MED12L: variants seen among roughly 807,000 people sequenced by gnomAD.
The protein encoded by MED12L is mediator of RNA polymerase II transcription subunit 12-like protein.
MED12L carries 60 observed loss-of-function variants against 281.3 expected under a neutral mutation model. That is an observed-to-expected ratio of 0.21 (90% CI 0.17 to 0.26). MED12L has a LOEUF of 0.26. Ranked by LOEUF, MED12L falls within the 10% of genes least tolerant of loss-of-function variation. The probability of loss-of-function intolerance (pLI) is 1.00; values close to 1 mark genes in which losing one functional copy is unlikely to be tolerated. For synonymous variants in MED12L, 974 were observed against 987.2 expected, an observed-to-expected ratio of 0.99 and a Z score of 0.25; for missense variants, 2,146 against 2,680.9, an observed-to-expected ratio of 0.80 and a Z score of 4.41.
intron 16 of MED12L, among the ~76,000 whole-genome samples, chr3:151,344,195 T>C (rs1347133671): frequency 6.6e-6 from 1 of 152,114 alleles, no homozygotes; most frequent in Non-Finnish European, 1.5e-5. Context: ...TCAGTCATAC[T>C]GTGGACTATA....
Position 151,247,962 on chromosome 3 carries a change from CTTTTTTTTTTTT to C in MED12L, c.2250+54308_2250+54319del, listed in dbSNP as rs61102632. ...GTTTACTTTCTTTCTTCTTCTTCTT[CTTTTTTTTTTTT>C]TTTTTTTTTTTGCCTGAGAAATAAT... On this transcript the variant is annotated intron_variant, in intron 16 of 44. Coordinates refer to ENST00000687756, the MANE Select transcript of MED12L (RefSeq NM_001393769.1). Among the ~76,000 whole-genome samples the C allele has an allele frequency of 2.8e-3, 214 of 75,906 alleles. 3 individuals carry two copies. Among genetic ancestry groups the C allele is most frequent in the Admixed American group, 0.021 (137 of 6,622 alleles). The allele number at this position is 75,906 out of a possible 152,430, so 49.8% of individuals were successfully genotyped here. A position where few individuals can be genotyped will look rare whatever the true frequency, so the allele number is the denominator to read the frequency against.
At chr3:151,264,602 G>A (rs1739486916) in intron 16 of MED12L, among the ~76,000 whole-genome samples, 1 of 152,160 alleles carries the variant, frequency 6.6e-6, no homozygotes, top group East Asian at 1.9e-4. Flanking sequence ...CCCTCAAATT[G>A]CAGTTTAATT....
chr3:151,401,938 G>A (rs11708767), intron 39 of MED12L, among the ~76,000 whole-genome samples: 56,526 of 151,972 alleles, frequency 0.37, 11,024 homozygotes, highest in Middle Eastern at 0.48. Context: ...TGATTAGGCA[G>A]ATATAATGAG....
At chr3:151,387,431 T>C (rs1427839502) in intron 36 of MED12L, among the ~76,000 whole-genome samples, 1 of 152,238 alleles carries the variant, frequency 6.6e-6, no homozygotes, top group Non-Finnish European at 1.5e-5. Flanking sequence ...TTCAAAATTA[T>C]AAATAGATTA....
At chr3:151,261,812 C>T (rs1162134085) in intron 16 of MED12L, among the ~76,000 whole-genome samples, 4 of 152,128 alleles carry the variant, frequency 2.6e-5, no homozygotes, top group Non-Finnish European at 4.4e-5. Flanking sequence ...ATAACCTCCA[C>T]CTCCTGGGTT....
At chr3:151,095,463 G>A (rs867165345) in intron 2 of MED12L, among the ~76,000 whole-genome samples, 1 of 152,010 alleles carries the variant, frequency 6.6e-6, no homozygotes. Flanking sequence ...TCAGCCCCCC[G>A]AGTAACTGGG....
intron 2 of MED12L, among the ~76,000 whole-genome samples, chr3:151,107,219 C>T (rs1487440867): frequency 6.6e-6 from 1 of 152,022 alleles, no homozygotes; most frequent in African/African-American, 2.4e-5. Flanking sequence ...CTACACCCTA[C>T]CTATTCATGA....
At chr3:151,266,512 G>A (rs1739859898) in intron 16 of MED12L, among the ~76,000 whole-genome samples, 1 of 152,214 alleles carries the variant, frequency 6.6e-6, no homozygotes, top group Admixed American at 6.5e-5. Flanking sequence ...TAATAGTGCA[G>A]TCCTTTTTAA....
chr3:151,333,682 A>G (rs1436310930), intron 16 of MED12L, among the ~76,000 whole-genome samples: 2 of 152,240 alleles, frequency 1.3e-5, no homozygotes, highest in East Asian at 3.8e-4. Flanking sequence ...TAGAAGAAGG[A>G]TTATTGGTTC....
intron 11 of MED12L, among the ~76,000 whole-genome samples, chr3:151,171,933 G>A (rs1721481212): frequency 2.0e-5 from 3 of 152,080 alleles, no homozygotes; most frequent in Admixed American, 2.0e-4. Context: ...CCATGCATGG[G>A]GCCCAGGAGA....
At position 151,368,654 on chromosome 3, in the gene MED12L, C is replaced by T. The variant is rs1458674320; in HGVS notation, c.3550+403C>T. Among the ~76,000 whole-genome samples, 129 of 59,878 alleles carry T rather than the reference C, an allele frequency of 2.2e-3. 1 individual carries two copies. Among genetic ancestry groups the T allele is most frequent in the African/African-American group, 9.3e-3 (125 of 13,434 alleles). 39.3% of individuals were successfully genotyped at this position (59,878 alleles called of 152,430 possible). A position where few individuals can be genotyped will look rare whatever the true frequency, so the allele number is the denominator to read the frequency against. Reference sequence around the variant, plus strand: ...TATTTCATTTCATTTCATTTCATTTCATTTCATTTCATTTCATTTCATGTC... The same window carrying T: ...TATTTCATTTCATTTCATTTCATTTTATTTCATTTCATTTCATTTCATGTC... On this transcript the variant is annotated intron_variant, in intron 25 of 44. Coordinates refer to ENST00000687756, the MANE Select transcript of MED12L (RefSeq NM_001393769.1).
At chr3:151,177,744 C>G (rs115028701) in intron 11 of MED12L, among the ~76,000 whole-genome samples, 1 of 152,050 alleles carries the variant, frequency 6.6e-6, no homozygotes, top group Non-Finnish European at 1.5e-5. Context: ...TGTTCCTGCT[C>G]GGCTTCCCAA....
At chr3:151,273,402 A>ATTTTTTTT (rs531443713) in intron 16 of MED12L, among the ~76,000 whole-genome samples, 4 of 113,668 alleles carry the variant, frequency 3.5e-5, no homozygotes, top group African/African-American at 6.9e-5. Context: ...TAATTTTTGT[A>ATTTTTTTT]TTTTTTTTTT....
intron 2 of MED12L, among the ~76,000 whole-genome samples, chr3:151,087,556 C>G (rs1329852175): frequency 6.6e-6 from 1 of 152,170 alleles, no homozygotes; most frequent in Non-Finnish European, 1.5e-5. Context: ...CCTCTGTAAC[C>G]CTTCTGCCCT....
intron 37 of MED12L, 29 bp downstream of exon 37, chr3:151,388,201 G>A: frequency 6.4e-7 from 1 of 1,562,544 alleles, no homozygotes; most frequent in East Asian, 2.2e-5. Context: ...GAGAACCTTG[G>A]CTCATTAGCA....
intron 11 of MED12L, among the ~76,000 whole-genome samples, chr3:151,181,365 T>C (rs1474663916): frequency 6.6e-6 from 1 of 152,022 alleles, no homozygotes; most frequent in Non-Finnish European, 1.5e-5. Flanking sequence ...TAATTTCAGC[T>C]CATCATTAGT....
Position 151,106,332 on chromosome 3 carries a change from CCCTCCCCTCCCCTTT to C in MED12L, c.100-10002_100-9988del, listed in dbSNP as rs1576736954. Among the ~76,000 whole-genome samples the C allele has an allele frequency of 3.2e-5, 4 of 125,128 alleles. No homozygotes were observed. The East Asian group carries it at 9.0e-4, about 28-fold the overall frequency. The allele number at this position is 125,128 out of a possible 152,430, so 82.1% of individuals were successfully genotyped here. A position where few individuals can be genotyped will look rare whatever the true frequency, so the allele number is the denominator to read the frequency against. ...TTCTCCCCTCCCCTCCCCTCCCCTC[CCCTCCCCTCCCCTTT>C]CCTTTCCTTTCCTACAGGGTCTCGC... On this transcript the variant is annotated intron_variant, in intron 2 of 44. Coordinates refer to ENST00000687756, the MANE Select transcript of MED12L (RefSeq NM_001393769.1).
intron 16 of MED12L, among the ~76,000 whole-genome samples, chr3:151,251,207 G>C (rs1379879830): frequency 6.6e-6 from 1 of 152,070 alleles, no homozygotes; most frequent in Non-Finnish European, 1.5e-5. Flanking sequence ...TCACCACCTT[G>C]CACCTCTGTA....
intron 3 of MED12L, among the ~76,000 whole-genome samples, chr3:151,117,509 G>A (rs1241630260): frequency 6.6e-6 from 1 of 152,078 alleles, no homozygotes; most frequent in Non-Finnish European, 1.5e-5. Context: ...TATTTCCCCT[G>A]CTTTTTCGTA....
Sources: allele counts gnomAD v4.1 joint callset (sites outside exome capture counted in the v4.1 genomes callset), GRCh38; gene constraint gnomAD v4.1.1; transcripts MANE v1.5; gene names NCBI Gene and HGNC (gene_info 2026-07-23, HGNC 2026-07-21).